The following CRKL variants were observed in gnomAD, a reference collection of about 807,000 sequenced individuals.
The protein encoded by CRKL is crk-like protein.
CRKL carries 3 observed loss-of-function variants against 23.0 expected under a neutral mutation model. The observed-to-expected ratio is 0.13, with a 90% CI of 0.06 to 0.34. The LOEUF is 0.34. CRKL is among the 10% of genes least tolerant of loss of function. The pLI, the probability that CRKL is intolerant of heterozygous loss-of-function variation, is 1.00. For synonymous variants in CRKL, 188 were observed against 160.7 expected (o/e 1.17, Z -1.28); for missense variants, 256 against 394.5 (o/e 0.65, Z 2.97).
In CRKL at chr22:20,918,117, C is replaced by T. The variant is rs2147891782; in HGVS notation, c.183C>T (p.Tyr61=). The part of the protein sequence containing the change: ...SVSENSRVSH[Y]IINSLPNRRF... ...CCGAGAACTCGCGGGTCTCCCACTA[C>T]ATCATCAACTCGCTGCCCAACCGCC... Residue 61 remains tyrosine (Y), a synonymous_variant, in exon 1 of 3, where the codon TAC becomes TAT. Coordinates refer to ENST00000354336, the MANE Select transcript of CRKL (RefSeq NM_005207.4). The T allele has an allele frequency of 1.2e-6, 2 of 1,614,220 alleles. No homozygotes were observed. The highest frequency in any genetic ancestry group is 1.6e-4 in the Middle Eastern group (1 of 6,062).
chr22:20,927,513 C>G (rs1264614470), intron 1 of CRKL, among the ~76,000 whole-genome samples: 235 of 139,898 alleles, frequency 1.7e-3, no homozygotes, highest in African/African-American at 5.6e-3. Flanking sequence ...AGTTTTCTAC[C>G]TTTTTTTTTT....
Position 20,918,263 on chromosome 22 carries a change from C to G in CRKL, c.311+18C>G, listed in dbSNP as rs1382542664. 28 of 1,611,076 alleles carry G rather than the reference C, an allele frequency of 1.7e-5. No individual in the cohort carries two copies. The highest frequency in any genetic ancestry group is 2.3e-5 in the Non-Finnish European group (27 of 1,179,074). On this transcript the variant is annotated intron_variant, in intron 1 of 2. Transcript: ENST00000354336. ...GCGCCCAGGTACGCGAGAGCCCTCCCCGACCGCGGAGGAAGGTCGAGAACC... is the reference window on the plus strand; with the variant it reads ...GCGCCCAGGTACGCGAGAGCCCTCCGCGACCGCGGAGGAAGGTCGAGAACC...
intron 1 of CRKL, among the ~76,000 whole-genome samples, chr22:20,933,576 G>A (rs956666464): frequency 2.0e-5 from 3 of 151,950 alleles, no homozygotes; most frequent in Admixed American, 6.6e-5. Context: ...GCTGAGGCAG[G>A]AGCATCACTT....
intron 2 of CRKL, among the ~76,000 whole-genome samples, chr22:20,946,343 AC>A (rs1922052757): frequency 1.3e-5 from 2 of 152,254 alleles, no homozygotes; most frequent in Admixed American, 6.5e-5. Flanking sequence ...AGCAAGAGGT[AC>A]CCTCTTGCCA....
intron 1 of CRKL, among the ~76,000 whole-genome samples, chr22:20,927,741 G>T (rs1230745088): frequency 6.8e-6 from 1 of 147,844 alleles, no homozygotes. Flanking sequence ...TACTTGGGAC[G>T]CTGAGGCAGG....
At chr22:20,942,097 A>G (rs1921903710) in intron 2 of CRKL, among the ~76,000 whole-genome samples, 1 of 152,230 alleles carries the variant, frequency 6.6e-6, no homozygotes, top group African/African-American at 2.4e-5. Flanking sequence ...CTTGAGGTTT[A>G]TATAGTTTGC....
At chr22:20,941,503 GTGTGTT>G (rs66948437) in intron 2 of CRKL, among the ~76,000 whole-genome samples, 17,296 of 64,940 alleles carry the variant, frequency 0.27, 5,204 homozygotes, top group South Asian at 0.44. Flanking sequence ...ATATACATAT[GTGTGTT>G]TGTGTATGTG....
At chr22:20,920,866 C>G (rs533215880) in intron 1 of CRKL, among the ~76,000 whole-genome samples, 20 of 152,192 alleles carry the variant, frequency 1.3e-4, no homozygotes, top group Middle Eastern at 3.2e-3. Flanking sequence ...GACCCTACCC[C>G]TCACGTTCAG....
intron 2 of CRKL, among the ~76,000 whole-genome samples, chr22:20,937,226 C>G (rs886668184): frequency 1.3e-5 from 2 of 152,196 alleles, no homozygotes; most frequent in African/African-American, 2.4e-5. Flanking sequence ...GTCTATGCCT[C>G]AGCACCTTGG....
Position 20,917,711 on chromosome 22 carries a change from C to G in CRKL, c.-224C>G. On this transcript the variant is annotated 5_prime_UTR_variant, in exon 1 of 3. Transcript: ENST00000354336. ...CGACCCCCCGGCTCTGCCGTGCATT[C>G]CCGGGCGGCTCTCTCCGTGTGGCGG... 3.5e-6 allele frequency: 2 copies of G among 575,670 alleles called. No individual in the cohort carries two copies. The highest frequency in any genetic ancestry group is 6.5e-5 in the Admixed American group (2 of 30,788). The allele number at this position is 575,670 out of a possible 1,614,324, so 35.7% of individuals were successfully genotyped here. A position where few individuals can be genotyped will look rare whatever the true frequency, so the allele number is the denominator to read the frequency against.
rs2147904514 is a variant in CRKL, at chr22:20,933,802, C to T, written c.335C>T (p.Ser112Phe). Residue 112 changes from serine (S) to phenylalanine (F), a missense_variant, in exon 2 of 3, where the codon TCT becomes TTT. Physicochemically the swap from Ser to Phe is radical, Grantham distance 155. Around this residue, in one of 3 missense-constraint regions of CRKL, gnomAD observed 42 missense variants for 32.7 expected, o/e 1.29. Coordinates refer to ENST00000354336, the MANE Select transcript of CRKL (RefSeq NM_005207.4). ...AGGTATCCAAGCCCACCAATGGGAT[C>T]TGTCTCAGCACCCAACCTGCCTACA... ...APRYPSPPMG[S>F]VSAPNLPTAE... 6.2e-7 allele frequency: 1 copy of T among 1,613,420 alleles called. No individual in the cohort carries two copies. Among genetic ancestry groups the T allele is most frequent in the Non-Finnish European group, 8.5e-7 (1 of 1,179,436 alleles).
intron 1 of CRKL, among the ~76,000 whole-genome samples, chr22:20,918,997 A>C (rs376731406): frequency 4.4e-4 from 51 of 117,038 alleles, no homozygotes; most frequent in Admixed American, 1.8e-3. Context: ...AGGCACGTAC[A>C]CACAAGTTTG....
At chr22:20,923,251 C>T (rs1449830995) in intron 1 of CRKL, among the ~76,000 whole-genome samples, 1 of 151,870 alleles carries the variant, frequency 6.6e-6, no homozygotes, top group East Asian at 1.9e-4. Flanking sequence ...TATCATGCTT[C>T]TGAGGAGCTT....
At chr22:20,918,292 T>C (rs1189455002) in intron 1 of CRKL, 47 bp downstream of exon 1, 1 of 1,592,740 alleles carries the variant, frequency 6.3e-7, no homozygotes, top group Non-Finnish European at 8.5e-7. Context: ...GAGAACCGGG[T>C]CTGTCGAAGA....
intron 2 of CRKL, among the ~76,000 whole-genome samples, chr22:20,944,723 A>G (rs1057257186): frequency 3.3e-5 from 5 of 150,390 alleles, no homozygotes; most frequent in African/African-American, 1.2e-4. Context: ...TTTTTATTTT[A>G]GATGCTATTG....
chr22:20,933,848 T>C lies in CRKL; in HGVS notation c.381T>C (p.Tyr127=). 3 of 1,614,126 alleles carry C rather than the reference T, an allele frequency of 1.9e-6. No homozygotes were observed. The highest frequency in any genetic ancestry group is 2.5e-6 in the Non-Finnish European group (3 of 1,180,026). ...NLPTAEDNLE[Y]VRTLYDFPGN... ...CTACAGCAGAAGATAACCTGGAATA[T>C]GTACGGACTCTGTATGATTTTCCTG... Residue 127 remains tyrosine, a synonymous_variant, in exon 2 of 3, where the codon TAT becomes TAC. Transcript: ENST00000354336.
chr22:20,930,980 G>A (rs893087672), intron 1 of CRKL, among the ~76,000 whole-genome samples: 7 of 152,040 alleles, frequency 4.6e-5, no homozygotes, highest in African/African-American at 1.7e-4. Flanking sequence ...CCACACACTG[G>A]CTAACTGCTT....
At position 20,952,078 on chromosome 22, in the gene CRKL, C is replaced by T. The variant is rs139100081; in HGVS notation, c.*2233C>T. 250 of 227,404 alleles carry T rather than the reference C, an allele frequency of 1.1e-3. 2 individuals are homozygous for T. Among genetic ancestry groups the T allele is most frequent in the African/African-American group, 5.2e-3 (233 of 45,104 alleles). 14.1% of individuals were successfully genotyped at this position (227,404 alleles called of 1,614,324 possible). On this transcript the variant is annotated 3_prime_UTR_variant, in exon 3 of 3. Transcript: ENST00000354336. ...CCCTTTGGCCAGTGACGTGGTTCATCCCGGCCCATGTTGAGCCATGAGTGG... is the reference window on the plus strand; with the variant it reads ...CCCTTTGGCCAGTGACGTGGTTCATTCCGGCCCATGTTGAGCCATGAGTGG...
In CRKL at chr22:20,917,413, G is replaced by GT. The variant is rs1929729176; in HGVS notation, c.-522_-521insT. On this transcript the variant is annotated 5_prime_UTR_variant, in exon 1 of 3. Coordinates refer to ENST00000354336, the MANE Select transcript of CRKL (RefSeq NM_005207.4). Reference sequence around the variant, plus strand: ...GCCGGGGCCCAGCGCGTGCGCAGACGGAGCGCGCTGAGCGGAGGGGGAGGT... The same window carrying GT: ...GCCGGGGCCCAGCGCGTGCGCAGACGTGAGCGCGCTGAGCGGAGGGGGAGGT... 1 of 219,300 alleles carries GT rather than the reference G, an allele frequency of 4.6e-6. No individual in the cohort carries two copies. Among genetic ancestry groups the GT allele is most frequent in the Non-Finnish European group, 9.2e-6 (1 of 108,822 alleles). 13.6% of individuals were successfully genotyped at this position (219,300 alleles called of 1,614,324 possible).
Sources: allele counts gnomAD v4.1 joint callset (sites outside exome capture counted in the v4.1 genomes callset), GRCh38; gene constraint gnomAD v4.1.1; regional missense constraint gnomAD v4.1.1; transcripts MANE v1.5; gene names NCBI Gene and HGNC (gene_info 2026-07-23, HGNC 2026-07-21).